STARD13: variants seen among roughly 807,000 people sequenced by gnomAD.
The protein encoded by STARD13 is StAR related lipid transfer domain containing 13.
A neutral mutation model predicts 106.4 loss-of-function variants in STARD13; 62 were observed. The ratio of observed to expected loss-of-function variants is 0.58; its 90% CI spans 0.48 to 0.72. The LOEUF (loss-of-function observed/expected upper bound fraction) is 0.72, where lower values mean the gene tolerates loss of function less well. STARD13 is among the 30% of genes least tolerant of loss of function. The pLI, the probability that STARD13 is intolerant of heterozygous loss-of-function variation, is 0.00. For synonymous variants in STARD13, 565 were observed against 553.0 expected (o/e 1.02, Z -0.31); for missense variants, 1,387 against 1,424.0 (o/e 0.97, Z 0.42).
intron 1 of STARD13, among the ~76,000 whole-genome samples, chr13:33,295,520 C>CT (rs1892454792): frequency 6.6e-6 from 1 of 152,170 alleles, no homozygotes; most frequent in Non-Finnish European, 1.5e-5. Context: ...TTCCTTTACC[C>CT]TTTTTTATTC....
At chr13:33,405,298 C>T in the STARD13 span, among the ~76,000 whole-genome samples, 1 of 152,238 alleles carries the variant, frequency 6.6e-6, no homozygotes. Context: ...CCACACTTCG[C>T]GTGCCCCTCT....
At chr13:33,215,885 C>T (rs1005998741) in intron 1 of STARD13, among the ~76,000 whole-genome samples, 5 of 152,006 alleles carry the variant, frequency 3.3e-5, no homozygotes, top group Admixed American at 2.0e-4. Context: ...AACAATCCCA[C>T]CAAAAAGTGG....
intron 1 of STARD13, among the ~76,000 whole-genome samples, chr13:33,224,125 A>T (rs2555603): frequency 6.6e-6 from 1 of 152,056 alleles, no homozygotes; most frequent in Non-Finnish European, 1.5e-5. Flanking sequence ...AAAAGAGAGC[A>T]GTTACACTTG....
the STARD13 span, among the ~76,000 whole-genome samples, chr13:33,414,686 G>C: frequency 2.6e-5 from 4 of 152,160 alleles, no homozygotes; most frequent in Non-Finnish European, 5.9e-5. Flanking sequence ...AACAGAACAG[G>C]AGGATCCTTG....
At chr13:33,559,407 T>G in the STARD13 span, among the ~76,000 whole-genome samples, 1 of 151,534 alleles carries the variant, frequency 6.6e-6, no homozygotes, top group Non-Finnish European at 1.5e-5. Context: ...AAACTTTATA[T>G]AGTTGGTGTT....
chr13:33,606,097 C>T, the STARD13 span, among the ~76,000 whole-genome samples: 1 of 152,114 alleles, frequency 6.6e-6, no homozygotes, highest in Non-Finnish European at 1.5e-5. Context: ...GTCATGAGTT[C>T]AAAACCAGCC....
chr13:33,669,530 C>CTTTTT, the STARD13 span, among the ~76,000 whole-genome samples: 18 of 103,154 alleles, frequency 1.7e-4, no homozygotes, highest in African/African-American at 5.2e-4. Flanking sequence ...AGAGGATGTT[C>CTTTTT]TTTTTTTTTT....
the STARD13 span, among the ~76,000 whole-genome samples, chr13:33,373,198 A>T: frequency 6.6e-6 from 1 of 152,170 alleles, no homozygotes; most frequent in Non-Finnish European, 1.5e-5. Context: ...AAGGACAATG[A>T]TGGGGCATTG....
the STARD13 span, among the ~76,000 whole-genome samples, chr13:33,409,603 A>G: frequency 6.6e-6 from 1 of 152,228 alleles, no homozygotes; most frequent in Non-Finnish European, 1.5e-5. Flanking sequence ...TGTATTAAGT[A>G]CGTTTTTCTA....
At chr13:33,625,876 AT>A in the STARD13 span, among the ~76,000 whole-genome samples, 4 of 151,818 alleles carry the variant, frequency 2.6e-5, no homozygotes, top group Non-Finnish European at 5.9e-5. Flanking sequence ...TAATTTTTGT[AT>A]TTTTAGTAGA....
intron 1 of STARD13, among the ~76,000 whole-genome samples, chr13:33,308,131 G>A (rs1032926403): frequency 1.3e-5 from 2 of 152,216 alleles, no homozygotes; most frequent in African/African-American, 4.8e-5. Context: ...TCCACTGGTA[G>A]TTTCTGGAAA....
At chr13:33,561,892 G>A in the STARD13 span, among the ~76,000 whole-genome samples, 3 of 146,484 alleles carry the variant, frequency 2.0e-5, no homozygotes, top group Admixed American at 7.0e-5. Flanking sequence ...AACTGTAGCC[G>A]AAAGTAAAAA....
At chr13:33,506,431 A>G in the STARD13 span, among the ~76,000 whole-genome samples, 2 of 152,188 alleles carry the variant, frequency 1.3e-5, no homozygotes, top group African/African-American at 4.8e-5. Flanking sequence ...ACATAACTCC[A>G]GCTTTCAAGA....
chr13:33,546,478 GC>G, the STARD13 span, among the ~76,000 whole-genome samples: 2 of 151,956 alleles, frequency 1.3e-5, no homozygotes, highest in Non-Finnish European at 2.9e-5. Context: ...AGTCTCTGTA[GC>G]CTTTATACTG....
the STARD13 span, among the ~76,000 whole-genome samples, chr13:33,499,591 CTTCTTCTTCTTCTTTCTTCTTCTT>C: frequency 3.3e-4 from 21 of 63,998 alleles, 1 homozygote; most frequent in African/African-American, 5.2e-4. Flanking sequence ...TCTTCTTCTT[CTTCTTCTTCTTCTTTCTTCTTCTT>C]CTTCTTCTTC....
chr13:33,488,462 TACA>T, the STARD13 span, among the ~76,000 whole-genome samples: 4 of 152,238 alleles, frequency 2.6e-5, no homozygotes, highest in African/African-American at 9.6e-5. Context: ...TACTTCTGTC[TACA>T]ACATCTTATT....
At chr13:33,283,617 T>C (rs570965182) in intron 1 of STARD13, among the ~76,000 whole-genome samples, 58 of 152,370 alleles carry the variant, frequency 3.8e-4, no homozygotes, top group Admixed American at 1.1e-3. Flanking sequence ...ACAAGACTGT[T>C]GGAAATCTTT....
At chr13:33,420,678 T>G in the STARD13 span, among the ~76,000 whole-genome samples, 1 of 152,202 alleles carries the variant, frequency 6.6e-6, no homozygotes, top group Admixed American at 6.5e-5. Context: ...ATCACACTTA[T>G]TATAAAATTG....
chr13:33,522,572 C>T, the STARD13 span, among the ~76,000 whole-genome samples: 26 of 152,272 alleles, frequency 1.7e-4, no homozygotes, highest in South Asian at 1.0e-3. Flanking sequence ...CCAGCACTCA[C>T]GGATTTTTTA....
Sources: gnomAD v4.1 joint callset for allele counts (sites outside exome capture counted in the v4.1 genomes callset) on GRCh38, gnomAD v4.1.1 for gene constraint, MANE v1.5 for transcripts, NCBI Gene and HGNC (gene_info 2026-07-23, HGNC 2026-07-21) for gene names.